Variants in HSH2D observed in about 807,000 individuals in gnomAD.
HSH2D encodes the protein hematopoietic SH2 domain-containing protein.
HSH2D carries 16 observed loss-of-function variants against 21.5 expected under a neutral mutation model. The ratio of observed to expected loss-of-function variants is 0.74; its 90% confidence interval spans 0.50 to 1.13. The LOEUF is 1.13. Ranked by LOEUF, HSH2D falls within the 50% of genes most tolerant of loss-of-function variation. HSH2D has a pLI of 0.00. For synonymous variants in HSH2D, 172 were observed against 184.7 expected (o/e 0.93, Z 0.56); for missense variants, 418 against 441.4 (o/e 0.95, Z 0.47).
intron 1 of HSH2D, among the ~76,000 whole-genome samples, chr19:16,147,156 T>C (rs1248860562): frequency 6.6e-6 from 1 of 151,924 alleles, no homozygotes; most frequent in Non-Finnish European, 1.5e-5. Context: ...TTTCAAAACA[T>C]TTATTTATAA....
intron 5 of HSH2D, chr19:16,155,536 G>A (rs1453825924): frequency 2.0e-5 from 3 of 152,468 alleles, no homozygotes; most frequent in Non-Finnish European, 4.4e-5. Context: ...AATAGTGCAG[G>A]GCCTTGGAGC....
chr19:16,152,803 G>C, intron 3 of HSH2D, 162 bp downstream of exon 3: 1 of 758,546 alleles, frequency 1.3e-6, no homozygotes, highest in East Asian at 2.7e-5. Context: ...TGAAGCTTTT[G>C]TCCGTAGTGG....
intron 1 of HSH2D, 27 bp downstream of exon 1, chr19:16,143,801 C>T (rs927917197): frequency 2.6e-5 from 11 of 426,024 alleles, no homozygotes; most frequent in Non-Finnish European, 4.3e-5. Context: ...CCTCAGCCCT[C>T]GAGGAGACAG....
chr19:16,136,143 T>G (rs1255221540), intron 1 of HSH2D, among the ~76,000 whole-genome samples: 1 of 152,148 alleles, frequency 6.6e-6, no homozygotes, highest in Non-Finnish European at 1.5e-5. Flanking sequence ...TCTCTATCCT[T>G]GAGCCTCCGA....
At chr19:16,137,819 C>G (rs2090974563) in intron 1 of HSH2D, among the ~76,000 whole-genome samples, 1 of 152,172 alleles carries the variant, frequency 6.6e-6, no homozygotes, top group African/African-American at 2.4e-5. Context: ...AAGTGATCCT[C>G]CCACCTCAGC....
At chr19:16,150,629 C>A (rs2145043911) in intron 2 of HSH2D, among the ~76,000 whole-genome samples, 1 of 150,106 alleles carries the variant, frequency 6.7e-6, no homozygotes, top group East Asian at 2.0e-4. Context: ...TGGAACCCTG[C>A]AGGCAGAGAT....
intron 5 of HSH2D, among the ~76,000 whole-genome samples, chr19:16,156,852 G>C (rs1314656533): frequency 6.6e-6 from 1 of 152,142 alleles, no homozygotes; most frequent in African/African-American, 2.4e-5. Context: ...GCCAGGCGTG[G>C]TGGTGTGCTT....
chr19:16,142,154 C>T (rs1466060675), upstream of HSH2D: 1 of 151,594 alleles, frequency 6.6e-6, no homozygotes, highest in Admixed American at 6.6e-5. Flanking sequence ...CTGGTGTGGA[C>T]CTATGCGTGC....
rs1184867038 is a variant in HSH2D, at chr19:16,157,407, C to T, written c.672C>T (p.His224=). ...GQRVRQQLKS[H]LATVNLSSLL... is the part of the protein sequence containing the mutation. ...GGGTCCGGCAGCAGCTAAAAAGCCA[C>T]CTCGCCACTGTGAACTTGTCGTCAC... Residue 224 remains histidine, a synonymous_variant, in exon 6 of 6, where the codon CAC becomes CAT. Transcript: ENST00000613986. This position sits in a 1 kb window ranked among gnomAD's most constrained non-coding sequence, Gnocchi z 4.4. 3 of 1,613,924 alleles carry T rather than the reference C, an allele frequency of 1.9e-6. No homozygotes were observed. Among genetic ancestry groups the T allele is most frequent in the African/African-American group, 1.3e-5 (1 of 75,024 alleles).
chr19:16,153,096 T>C lies in HSH2D; in HGVS notation c.269T>C (p.Phe90Ser), dbSNP rs1319570402. ...GTGAAGCTCTTGGATGATGGGACTT[T>C]CATGATCCCCGGGGAGAAGGTGGCC... is the stretch of plus-strand genomic sequence containing the variant. The part of the protein sequence containing the change: ...FMVKLLDDGT[F>S]MIPGEKVAHT... The change falls in exon 4 of 6, where the codon TTC becomes TCC. Residue 90 changes from phenylalanine (F) to serine (S), a missense_variant. Transcript: ENST00000613986. 1 of 1,609,998 alleles carries C rather than the reference T, an allele frequency of 6.2e-7. No individual in the cohort carries two copies. Among genetic ancestry groups the C allele is most frequent in the Non-Finnish European group, 8.5e-7 (1 of 1,178,364 alleles).
chr19:16,135,277 A>G (rs975172768), intron 1 of HSH2D, among the ~76,000 whole-genome samples: 1 of 152,044 alleles, frequency 6.6e-6, no homozygotes, highest in Non-Finnish European at 1.5e-5. Flanking sequence ...GTCTCAAAAA[A>G]ATAAAAAATA....
At chr19:16,152,988 T>G in intron 3 of HSH2D, 55 bp from the exon 4 acceptor site, 2 of 1,573,496 alleles carry the variant, frequency 1.3e-6, no homozygotes, top group Non-Finnish European at 1.7e-6. Flanking sequence ...GGCTGGGGAC[T>G]TGGGGCAGGG....
At chr19:16,155,618 AC>A (rs1403051100) in intron 5 of HSH2D, 1 of 108,554 alleles carries the variant, frequency 9.2e-6, no homozygotes, top group Non-Finnish European at 1.9e-5. Flanking sequence ...GCATGGGAGG[AC>A]TTTTTTTTTT....
At chr19:16,144,629 C>A (rs1038247303) in intron 1 of HSH2D, among the ~76,000 whole-genome samples, 7 of 149,594 alleles carry the variant, frequency 4.7e-5, no homozygotes, top group Admixed American at 4.0e-4. Flanking sequence ...GGTCACACAG[C>A]GGCTAAGTGG....
intron 2 of HSH2D, among the ~76,000 whole-genome samples, chr19:16,149,930 G>A (rs941752889): frequency 6.6e-6 from 1 of 152,036 alleles, no homozygotes; most frequent in Non-Finnish European, 1.5e-5. Flanking sequence ...ATGTGGGCCC[G>A]GCTCTAACTA....
intron 1 of HSH2D, among the ~76,000 whole-genome samples, chr19:16,148,275 A>C (rs1051003548): frequency 1.3e-5 from 2 of 151,974 alleles, no homozygotes; most frequent in African/African-American, 4.8e-5. Flanking sequence ...CAGCCTCCGG[A>C]GTAGCTGGGA....
At chr19:16,151,765 GAAAAAAAAAAA>G (rs746775825) in intron 2 of HSH2D, among the ~76,000 whole-genome samples, 1 of 61,318 alleles carries the variant, frequency 1.6e-5, no homozygotes, top group Non-Finnish European at 3.2e-5. Flanking sequence ...TGCCACAGCT[GAAAAAAAAAAA>G]AAAAAAAAAA....
At chr19:16,134,525 C>G (rs2090946979) in intron 1 of HSH2D, among the ~76,000 whole-genome samples, 1 of 152,232 alleles carries the variant, frequency 6.6e-6, no homozygotes, top group African/African-American at 2.4e-5. Context: ...ACACACTATG[C>G]TTTTAGATAG....
At chr19:16,142,935 A>C (rs1171375261), upstream of HSH2D, among the ~76,000 whole-genome samples, 1 of 148,374 alleles carries the variant, frequency 6.7e-6, no homozygotes, top group Non-Finnish European at 1.5e-5. Context: ...ACCACGCCTA[A>C]TTTTTGTATT....
Sources: gnomAD v4.1 joint callset for allele counts (sites outside exome capture counted in the v4.1 genomes callset) on GRCh38, gnomAD v4.1.1 for gene constraint, Gnocchi (gnomAD v3.1) non-coding constraint, MANE v1.5 for transcripts, NCBI Gene and HGNC (gene_info 2026-07-23, HGNC 2026-07-21) for gene names.